The following ENAH variants were observed in gnomAD, a reference collection of about 807,000 sequenced individuals.
The protein encoded by ENAH is protein enabled homolog.
A neutral mutation model predicts 78.7 loss-of-function variants in ENAH; 23 were observed. The observed-to-expected ratio is 0.29, with a 90% CI of 0.21 to 0.41. The LOEUF is 0.41. Ranked by LOEUF, ENAH falls within the 10% of genes least tolerant of loss-of-function variation. The probability of loss-of-function intolerance (pLI) is 1.00; values close to 1 mark genes in which losing one functional copy is unlikely to be tolerated. For synonymous variants in ENAH, 226 were observed against 241.0 expected, an observed-to-expected ratio of 0.94 and a Z score of 0.58; for missense variants, 544 against 691.0, an observed-to-expected ratio of 0.79 and a Z score of 2.39.
At chr1:225,633,223 T>G (rs75920997) in intron 1 of ENAH, among the ~76,000 whole-genome samples, 82 of 151,636 alleles carry the variant, frequency 5.4e-4, no homozygotes, top group Admixed American at 1.1e-3. Context: ...TTTTTTTTTT[T>G]GTATTTTTAT....
intron 3 of ENAH, 70 bp from the exon 4 acceptor site, chr1:225,530,708 T>C (rs2096533604): frequency 1.7e-6 from 2 of 1,192,456 alleles, no homozygotes; most frequent in African/African-American, 1.5e-5. Flanking sequence ...GATAAAATCA[T>C]GAGAATAACA....
At chr1:225,537,858 T>C (rs2096569701) in intron 3 of ENAH, among the ~76,000 whole-genome samples, 1 of 152,006 alleles carries the variant, frequency 6.6e-6, no homozygotes, top group Non-Finnish European at 1.5e-5. Context: ...AAACGCTGGG[T>C]AAGTTAGCAG....
Position 225,519,545 on chromosome 1 carries a change from CG to C in ENAH, c.454del (p.Arg152GlyfsTer25). On this transcript the variant is annotated frameshift_variant, in exon 5 of 14. Transcript: ENST00000366843. LOFTEE classifies it high-confidence loss of function. ...CCTTTCCCGCTCCAGCTCCTTTTGC[CG>C]TTGCTGTTCTTGTAGTTGTCTGGAA... is the stretch of plus-strand genomic sequence containing the variant. ...IQRRQLQEQQ[R>X]QKELERERLE... 1 of 1,610,146 alleles carries C rather than the reference CG, an allele frequency of 6.2e-7. No individual in the cohort carries two copies. Among genetic ancestry groups the C allele is most frequent in the Non-Finnish European group, 8.5e-7 (1 of 1,179,274 alleles).
chr1:225,561,342 G>C lies in ENAH; in HGVS notation c.171+5907C>G, dbSNP rs1042072308. ...AAAGTATTAAAATTAAATATTTTCA[G>C]GCTGGGTGCAGTGGCTTACGCCTGT... is the stretch of plus-strand genomic sequence containing the variant. On this transcript the variant is annotated intron_variant, in intron 2 of 13. Coordinates refer to ENST00000366843, the MANE Select transcript of ENAH (RefSeq NM_018212.6). Among the ~76,000 whole-genome samples, 4 of 152,010 alleles carry C rather than the reference G, an allele frequency of 2.6e-5. No individual in the cohort carries two copies. In the Middle Eastern group the frequency reaches 0.01, roughly 388 times the overall value.
intron 1 of ENAH, among the ~76,000 whole-genome samples, chr1:225,568,672 C>T (rs2096746721): frequency 6.6e-6 from 1 of 152,164 alleles, no homozygotes; most frequent in Admixed American, 6.5e-5. Context: ...AACAGAAAGT[C>T]ACCCTCACAC....
In ENAH at chr1:225,491,651, A is replaced by T. The variant is rs1355643696; in HGVS notation, c.*6124T>A. On this transcript the variant is annotated 3_prime_UTR_variant, in exon 14 of 14. Coordinates refer to ENST00000366843, the MANE Select transcript of ENAH (RefSeq NM_018212.6). Reference sequence around the variant, plus strand: ...GTGTAAGCCAAGAACCTTTTCTCTCAGTTTCTATAGACTTGGATGGAAACT... The same window carrying T: ...GTGTAAGCCAAGAACCTTTTCTCTCTGTTTCTATAGACTTGGATGGAAACT... 1 of 152,198 alleles carries T rather than the reference A, an allele frequency of 6.6e-6. No individual in the cohort carries two copies. The highest frequency in any genetic ancestry group is 2.4e-5 in the African/African-American group (1 of 41,454). 9.4% of individuals were successfully genotyped at this position (152,198 alleles called of 1,614,324 possible).
At chr1:225,515,169 T>C (rs968971435) in intron 6 of ENAH, 94 of 404,862 alleles carry the variant, frequency 2.3e-4, no homozygotes, top group Middle Eastern at 6.3e-4. Context: ...TTTTTTTTCA[T>C]GGGGATTTGG....
At chr1:225,619,181 T>C (rs1217738684) in intron 1 of ENAH, among the ~76,000 whole-genome samples, 1 of 152,222 alleles carries the variant, frequency 6.6e-6, no homozygotes, top group East Asian at 1.9e-4. Flanking sequence ...GAATATTTTC[T>C]ATTGTCTTTC....
At chr1:225,500,906 C>A in intron 12 of ENAH, 86 bp downstream of exon 12, 1 of 1,215,810 alleles carries the variant, frequency 8.2e-7, no homozygotes, top group Admixed American at 2.0e-5. Flanking sequence ...TAAGTACATT[C>A]AGGATCCATG....
chr1:225,499,580 G>A (rs752891947), intron 12 of ENAH, among the ~76,000 whole-genome samples: 2 of 152,134 alleles, frequency 1.3e-5, no homozygotes, highest in Non-Finnish European at 2.9e-5. Flanking sequence ...GCTGAGGCAG[G>A]AGAATCGCTT....
chr1:225,539,582 C>T (rs1282862107), intron 3 of ENAH, among the ~76,000 whole-genome samples: 2 of 152,148 alleles, frequency 1.3e-5, no homozygotes, highest in East Asian at 1.9e-4. Context: ...AATAATTAAC[C>T]CAAATCATCG....
intron 10 of ENAH, among the ~76,000 whole-genome samples, chr1:225,509,772 A>G (rs1405461286): frequency 6.6e-6 from 1 of 152,202 alleles, no homozygotes; most frequent in Non-Finnish European, 1.5e-5. Flanking sequence ...CCTTTTCCCT[A>G]CAATATTCCT....
intron 1 of ENAH, among the ~76,000 whole-genome samples, chr1:225,637,893 A>G (rs1288215050): frequency 6.6e-6 from 1 of 152,172 alleles, no homozygotes; most frequent in Non-Finnish European, 1.5e-5. Flanking sequence ...ACTGCATTTC[A>G]GCCTGTGTAA....
At chr1:225,609,955 C>T (rs1029343993) in intron 1 of ENAH, among the ~76,000 whole-genome samples, 3 of 151,894 alleles carry the variant, frequency 2.0e-5, no homozygotes, top group Admixed American at 6.6e-5. Context: ...TGAGCCACCG[C>T]GCCCGGCCTA....
intron 1 of ENAH, among the ~76,000 whole-genome samples, chr1:225,627,441 G>A (rs561711434): frequency 6.6e-6 from 1 of 152,196 alleles, no homozygotes; most frequent in East Asian, 1.9e-4. Flanking sequence ...TGAAAAGGGA[G>A]GAAAGGAACA....
At chr1:225,547,291 C>T (rs772726025) in intron 3 of ENAH, among the ~76,000 whole-genome samples, 1 of 151,974 alleles carries the variant, frequency 6.6e-6, no homozygotes. Flanking sequence ...AGGCTGGTCT[C>T]GAACTCCTGA....
intron 7 of ENAH, among the ~76,000 whole-genome samples, chr1:225,513,744 C>G (rs974701476): frequency 6.6e-6 from 1 of 152,130 alleles, no homozygotes; most frequent in Non-Finnish European, 1.5e-5. Context: ...GTAATCCCGG[C>G]ACTGTGGGAG....
At chr1:225,651,395 GAAA>G (rs919149171) in intron 1 of ENAH, among the ~76,000 whole-genome samples, 2 of 147,114 alleles carry the variant, frequency 1.4e-5, no homozygotes, top group African/African-American at 2.5e-5. Flanking sequence ...AACCTTGATA[GAAA>G]AAAAAAATGA....
chr1:225,503,196 TTTC>T (rs1355478384), intron 11 of ENAH, among the ~76,000 whole-genome samples: 2 of 152,212 alleles, frequency 1.3e-5, no homozygotes, highest in Non-Finnish European at 2.9e-5. Flanking sequence ...CACCACTTTT[TTTC>T]TTAACTTTTA....
Sources: allele counts gnomAD v4.1 joint callset (sites outside exome capture counted in the v4.1 genomes callset), GRCh38; gene constraint gnomAD v4.1.1; transcripts MANE v1.5; gene names NCBI Gene and HGNC (gene_info 2026-07-23, HGNC 2026-07-21).